The following RBBP8 variants were observed in gnomAD, a reference collection of about 807,000 sequenced individuals.
RBBP8 encodes DNA endonuclease RBBP8.
Under a neutral mutation model 108.3 loss-of-function variants are expected in RBBP8, and 88 were observed. The ratio of observed to expected loss-of-function variants is 0.81; its 90% CI spans 0.68 to 0.97. The LOEUF is 0.97. RBBP8 is among the 50% of genes least tolerant of loss of function. The probability of loss-of-function intolerance (pLI) is 0.00; values close to 1 mark genes in which losing one functional copy is unlikely to be tolerated. For missense variants in RBBP8, 1,023 were observed against 1,049.0 expected, an observed-to-expected ratio of 0.98 and a Z score of 0.34; for synonymous variants, 332 against 348.2, an observed-to-expected ratio of 0.95 and a Z score of 0.52.
At chr18:22,923,706 T>G (rs1419438543) in intron 3 of RBBP8, among the ~76,000 whole-genome samples, 1 of 152,224 alleles carries the variant, frequency 6.6e-6, no homozygotes, top group Non-Finnish European at 1.5e-5. Context: ...CAGCACTGAC[T>G]GTAGAACATG....
chr18:22,973,443 A>G (rs1049969324), intron 5 of RBBP8, among the ~76,000 whole-genome samples: 3 of 152,100 alleles, frequency 2.0e-5, no homozygotes, highest in African/African-American at 7.2e-5. Flanking sequence ...GAACCCTACA[A>G]AGGATGAGTT....
At chr18:23,001,535 A>G (rs367992651) in intron 14 of RBBP8, 51 bp from the exon 15 acceptor site, 4 of 1,606,308 alleles carry the variant, frequency 2.5e-6, no homozygotes, top group African/African-American at 1.3e-5. Flanking sequence ...GATGGTCTAC[A>G]TATTAAGCAA....
chr18:22,964,905 A>G (rs1229308254), intron 4 of RBBP8, among the ~76,000 whole-genome samples: 2 of 152,252 alleles, frequency 1.3e-5, no homozygotes, highest in East Asian at 1.9e-4. Context: ...AGAATATAGT[A>G]TGTCCTCACT....
chr18:22,981,197 C>T (rs1173254996), intron 6 of RBBP8, among the ~76,000 whole-genome samples: 1 of 151,416 alleles, frequency 6.6e-6, no homozygotes, highest in Non-Finnish European at 1.5e-5. Flanking sequence ...GTCTCGATCT[C>T]CTGACCTTGT....
intron 3 of RBBP8, among the ~76,000 whole-genome samples, chr18:22,917,758 T>C (rs900850573): frequency 6.6e-6 from 1 of 152,132 alleles, no homozygotes; most frequent in Non-Finnish European, 1.5e-5. Flanking sequence ...CCCAGCACTT[T>C]GGGAGGCTGA....
chr18:23,013,455 G>A (rs560858313), intron 16 of RBBP8, among the ~76,000 whole-genome samples: 20 of 152,120 alleles, frequency 1.3e-4, no homozygotes, highest in Admixed American at 3.3e-4. Flanking sequence ...CACCTGGTCC[G>A]TCAGAATGTA....
intron 3 of RBBP8, among the ~76,000 whole-genome samples, chr18:22,924,890 A>C (rs1281911262): frequency 1.3e-5 from 2 of 151,864 alleles, no homozygotes; most frequent in Non-Finnish European, 2.9e-5. Context: ...AAAAGGAAGG[A>C]AGCTTTTTTT....
rs764632458 is a variant in RBBP8, at chr18:22,984,885, G to A, written c.605-1G>A. The A allele has an allele frequency of 1.3e-6, 2 of 1,564,590 alleles. No homozygotes were observed. Among genetic ancestry groups the A allele is most frequent in the Admixed American group, 3.4e-5 (2 of 59,640 alleles). On this transcript the variant is annotated splice_acceptor_variant, in intron 7 of 18. Transcript: ENST00000327155. LOFTEE classifies it high-confidence loss of function. The stretch of plus-strand genomic sequence containing the variant: ...AATCTCTTATTTTTTTCTCCCCTTA[G>A]AAATGAGAAAAGTTTCCAAGTCTTC...
intron 5 of RBBP8, among the ~76,000 whole-genome samples, chr18:22,970,444 G>A (rs1002775470): frequency 4.6e-5 from 7 of 152,186 alleles, no homozygotes; most frequent in African/African-American, 1.7e-4. Flanking sequence ...TTAAATGGCT[G>A]CATTGTATGC....
At chr18:22,948,928 G>C (rs1911794434) in intron 3 of RBBP8, among the ~76,000 whole-genome samples, 1 of 152,146 alleles carries the variant, frequency 6.6e-6, no homozygotes, top group African/African-American at 2.4e-5. Flanking sequence ...AAGGTAATCA[G>C]GTTTAAGTAG....
At chr18:22,986,400 T>G (rs181922671) in intron 8 of RBBP8, among the ~76,000 whole-genome samples, 6 of 152,286 alleles carry the variant, frequency 3.9e-5, no homozygotes, top group Admixed American at 3.9e-4. Flanking sequence ...TGTTAAGGTG[T>G]AATGGTGACC....
chr18:23,014,556 C>T (rs1002756285), intron 16 of RBBP8, among the ~76,000 whole-genome samples: 4 of 152,256 alleles, frequency 2.6e-5, no homozygotes, highest in Non-Finnish European at 5.9e-5. Flanking sequence ...ATTACTTGAG[C>T]CCAGGAGTTC....
At chr18:22,930,909 C>G (rs958368956), upstream of RBBP8, among the ~76,000 whole-genome samples, 1 of 152,042 alleles carries the variant, frequency 6.6e-6, no homozygotes, top group African/African-American at 2.4e-5. Flanking sequence ...GTAACTAGAA[C>G]TAGAGGCACG....
At chr18:22,919,559 T>C (rs1909500722) in intron 3 of RBBP8, among the ~76,000 whole-genome samples, 1 of 152,144 alleles carries the variant, frequency 6.6e-6, no homozygotes, top group Non-Finnish European at 1.5e-5. Flanking sequence ...CACATATTCT[T>C]TTTTTCTTTT....
intron 6 of RBBP8, among the ~76,000 whole-genome samples, chr18:22,976,644 A>C (rs971914911): frequency 3.9e-5 from 6 of 152,196 alleles, no homozygotes; most frequent in African/African-American, 1.4e-4. Context: ...TTTTTTTAAA[A>C]AATATGAATT....
chr18:22,983,333 A>C (rs1391168457), intron 7 of RBBP8, among the ~76,000 whole-genome samples: 1 of 152,234 alleles, frequency 6.6e-6, no homozygotes, highest in Non-Finnish European at 1.5e-5. Context: ...TTAAACAAAT[A>C]AGCAGATCTT....
chr18:22,942,289 A>G lies in RBBP8; in HGVS notation c.110-4155A>G, dbSNP rs78162290. On this transcript the variant is annotated intron_variant, in intron 2 of 18. Coordinates refer to ENST00000327155, the MANE Select transcript of RBBP8 (RefSeq NM_002894.3). The stretch of plus-strand genomic sequence containing the variant: ...TTTACTTAGCTACAGAAATGTACCC[A>G]TAGGAACTTGCTTGAATCTGAATGC... 1.8e-3 allele frequency among the ~76,000 whole-genome samples: 270 copies of G among 152,262 alleles called. 1 individual carries two copies. In the East Asian group the frequency reaches 0.027, roughly 15 times the overall value.
intron 6 of RBBP8, among the ~76,000 whole-genome samples, chr18:22,980,567 A>G (rs921000940): frequency 7.2e-5 from 11 of 152,122 alleles, no homozygotes; most frequent in Non-Finnish European, 1.3e-4. Flanking sequence ...ATAGGAAAAA[A>G]GGTCAGAGAG....
intron 6 of RBBP8, among the ~76,000 whole-genome samples, chr18:22,980,756 C>T (rs184211960): frequency 5.9e-4 from 88 of 148,302 alleles, no homozygotes; most frequent in African/African-American, 2.0e-3. Flanking sequence ...ACTGTGTTGC[C>T]GAGGCTGGAG....
Sources: gnomAD v4.1 joint callset for allele counts (sites outside exome capture counted in the v4.1 genomes callset) on GRCh38, gnomAD v4.1.1 for gene constraint, MANE v1.5 for transcripts, NCBI Gene and HGNC (gene_info 2026-07-23, HGNC 2026-07-21) for gene names.